Variants in LSAMP observed in about 807,000 individuals in gnomAD.
LSAMP encodes the protein limbic system associated membrane protein.
LSAMP carries 7 observed loss-of-function variants against 38.6 expected under a neutral mutation model. The ratio of observed to expected loss-of-function variants is 0.18; its 90% CI spans 0.10 to 0.34. LSAMP has a LOEUF of 0.34. Ranked by LOEUF, LSAMP falls within the 10% of genes least tolerant of loss-of-function variation. The pLI is 1.00. For synonymous variants in LSAMP, 154 were observed against 166.8 expected (o/e 0.92, Z 0.59); for missense variants, 313 against 420.0 (o/e 0.75, Z 2.23).
intron 6 of LSAMP, among the ~76,000 whole-genome samples, chr3:115,818,350 T>C (rs528499942): frequency 6.6e-6 from 1 of 152,276 alleles, no homozygotes; most frequent in South Asian, 2.1e-4. Context: ...CAATCCTCGA[T>C]GAGGCCATCT....
At chr3:116,444,787 GACAC>G (rs61173418) in intron 1 of LSAMP, 86 bp downstream of exon 1, 7,585 of 1,184,526 alleles carry the variant, frequency 6.4e-3, no homozygotes, top group Non-Finnish European at 7.7e-3. Flanking sequence ...AAGGAGATCA[GACAC>G]ACACACACAC....
At chr3:116,155,622 GGTGTGTGTGTGTGTATATGT>G (rs1234104051) in intron 1 of LSAMP, among the ~76,000 whole-genome samples, 2 of 123,830 alleles carry the variant, frequency 1.6e-5, no homozygotes, top group African/African-American at 5.4e-5. Flanking sequence ...TATACAAGAG[GGTGTGTGTGTGTGTATATGT>G]GTGTGTGTGT....
At chr3:115,922,015 A>C (rs1937393918) in intron 3 of LSAMP, among the ~76,000 whole-genome samples, 1 of 152,154 alleles carries the variant, frequency 6.6e-6, no homozygotes, top group Non-Finnish European at 1.5e-5. Context: ...TTTGCTTATA[A>C]AATGCCTTGG....
chr3:116,133,930 A>T (rs775805247), intron 1 of LSAMP, among the ~76,000 whole-genome samples: 2 of 152,176 alleles, frequency 1.3e-5, no homozygotes, highest in Non-Finnish European at 2.9e-5. Context: ...ATGAGGCTAC[A>T]AGGTGGCATG....
intron 3 of LSAMP, among the ~76,000 whole-genome samples, chr3:115,858,807 C>A (rs1316532168): frequency 6.6e-6 from 1 of 152,126 alleles, no homozygotes; most frequent in African/African-American, 2.4e-5. Context: ...GAACTTCTAC[C>A]TAAGAAAATT....
At chr3:115,908,621 T>C (rs768654949) in intron 3 of LSAMP, among the ~76,000 whole-genome samples, 2 of 152,178 alleles carry the variant, frequency 1.3e-5, no homozygotes, top group Non-Finnish European at 2.9e-5. Context: ...ATAGAACTTA[T>C]TCCTACTGTT....
intron 1 of LSAMP, among the ~76,000 whole-genome samples, chr3:116,396,568 A>G (rs1400083211): frequency 6.6e-6 from 1 of 152,178 alleles, no homozygotes; most frequent in Non-Finnish European, 1.5e-5. Context: ...CTTATCTATT[A>G]TATACAGCCA....
chr3:116,363,781 T>C (rs1393414446), intron 1 of LSAMP, among the ~76,000 whole-genome samples: 1 of 150,022 alleles, frequency 6.7e-6, no homozygotes, highest in Non-Finnish European at 1.5e-5. Flanking sequence ...TCTCAATAGA[T>C]GCAGAAAAGG....
intron 1 of LSAMP, among the ~76,000 whole-genome samples, chr3:116,379,034 C>CA (rs58113574): frequency 1.4e-5 from 2 of 144,976 alleles, no homozygotes; most frequent in Non-Finnish European, 3.1e-5. Flanking sequence ...CACACACACA[C>CA]GAGTCCTACC....
chr3:116,241,528 T>C (rs2046533737), intron 1 of LSAMP, among the ~76,000 whole-genome samples: 1 of 152,222 alleles, frequency 6.6e-6, no homozygotes. Flanking sequence ...ATTGTGCCAC[T>C]GCACTCTAGC....
chr3:115,953,402 C>T (rs1031145336), intron 3 of LSAMP, among the ~76,000 whole-genome samples: 23 of 98,336 alleles, frequency 2.3e-4, no homozygotes, highest in South Asian at 4.4e-4. Context: ...ATGTAGTGTG[C>T]GTACACACAC....
intron 1 of LSAMP, among the ~76,000 whole-genome samples, chr3:116,242,278 A>G (rs1437520620): frequency 6.6e-6 from 1 of 152,262 alleles, no homozygotes; most frequent in Non-Finnish European, 1.5e-5. Context: ...AGCTTATGCT[A>G]ATAAGCAGCC....
chr3:115,899,109 C>A (rs1323796503), intron 3 of LSAMP, among the ~76,000 whole-genome samples: 2 of 152,078 alleles, frequency 1.3e-5, no homozygotes, highest in Non-Finnish European at 2.9e-5. Flanking sequence ...ATATGTTAAA[C>A]ACACACACAT....
At position 116,339,863 on chromosome 3, in the gene LSAMP, C is replaced by T. The variant is rs955422355; in HGVS notation, c.155+105014G>A. Reference sequence around the variant, plus strand: ...GCAGCCAGATATTACCAGTTACCAACCACTGAGCCATTCAAAGCCACAGAG... The same window carrying T: ...GCAGCCAGATATTACCAGTTACCAATCACTGAGCCATTCAAAGCCACAGAG... On this transcript the variant is annotated intron_variant, in intron 1 of 6. Coordinates refer to ENST00000490035, the MANE Select transcript of LSAMP (RefSeq NM_002338.5). 1.4e-4 allele frequency among the ~76,000 whole-genome samples: 21 copies of T among 152,044 alleles called. 1 individual carries two copies. Among genetic ancestry groups the T allele is most frequent in the African/African-American group, 4.6e-4 (19 of 41,420 alleles).
chr3:115,972,240 G>A (rs932668893), intron 3 of LSAMP, among the ~76,000 whole-genome samples: 2 of 151,876 alleles, frequency 1.3e-5, no homozygotes, highest in African/African-American at 4.8e-5. Context: ...TAAAAGGAAA[G>A]CCAAAATTTA....
At chr3:116,174,463 T>C (rs1175643565) in intron 1 of LSAMP, among the ~76,000 whole-genome samples, 1 of 152,072 alleles carries the variant, frequency 6.6e-6, no homozygotes, top group Non-Finnish European at 1.5e-5. Context: ...ATAATAGCTA[T>C]GTCTTTTATT....
chr3:116,056,067 A>G (rs1402057794), intron 2 of LSAMP, among the ~76,000 whole-genome samples: 1 of 152,186 alleles, frequency 6.6e-6, no homozygotes, highest in Non-Finnish European at 1.5e-5. Context: ...TTCTAATGCC[A>G]TGATAATAAG....
intron 1 of LSAMP, among the ~76,000 whole-genome samples, chr3:116,359,708 T>C (rs948420535): frequency 5.3e-5 from 8 of 152,090 alleles, no homozygotes; most frequent in African/African-American, 1.9e-4. Context: ...CTGTCAAAAC[T>C]AAGCAATGGA....
intron 1 of LSAMP, among the ~76,000 whole-genome samples, chr3:116,231,974 A>C (rs921479753): frequency 7.2e-5 from 11 of 152,164 alleles, no homozygotes; most frequent in South Asian, 6.2e-4. Context: ...CACCTTGAAA[A>C]TTCCACCTTC....
Sources: allele counts gnomAD v4.1 joint callset (sites outside exome capture counted in the v4.1 genomes callset), GRCh38; gene constraint gnomAD v4.1.1; transcripts MANE v1.5; gene names NCBI Gene and HGNC (gene_info 2026-07-23, HGNC 2026-07-21).